Variants in CDH18 observed in about 807,000 individuals in gnomAD.
CDH18 encodes cadherin-18.
Under a neutral mutation model 67.9 loss-of-function variants are expected in CDH18, and 31 were observed. The ratio of observed to expected loss-of-function variants is 0.46; its 90% CI spans 0.34 to 0.62. The LOEUF is 0.62. CDH18 is among the 20% of genes least tolerant of loss of function. The probability of loss-of-function intolerance (pLI) is 0.01; values close to 1 mark genes in which losing one functional copy is unlikely to be tolerated. For synonymous variants in CDH18, 362 were observed against 347.2 expected, an observed-to-expected ratio of 1.04 and a Z score of -0.48; for missense variants, 890 against 975.5, an observed-to-expected ratio of 0.91 and a Z score of 1.17.
intron 1 of CDH18, among the ~76,000 whole-genome samples, chr5:20,447,650 G>A (rs974740568): frequency 5.9e-5 from 9 of 152,016 alleles, no homozygotes; most frequent in Non-Finnish European, 1.0e-4. Context: ...CTGTCCTCCC[G>A]CAATATCTTT....
chr5:20,512,610 G>A (rs1755110253), intron 1 of CDH18, among the ~76,000 whole-genome samples: 1 of 152,066 alleles, frequency 6.6e-6, no homozygotes, highest in African/African-American at 2.4e-5. Flanking sequence ...CTGGCTGAGT[G>A]TGGTGGGTCA....
At chr5:20,391,600 C>T (rs10077608) in intron 1 of CDH18, among the ~76,000 whole-genome samples, 28,910 of 151,880 alleles carry the variant, frequency 0.19, 3,038 homozygotes, top group African/African-American at 0.25. Flanking sequence ...TTAAGTTTCA[C>T]AGATTTATTT....
At chr5:20,498,227 C>T (rs928716419) in intron 1 of CDH18, among the ~76,000 whole-genome samples, 52 of 149,140 alleles carry the variant, frequency 3.5e-4, no homozygotes, top group African/African-American at 1.2e-3. Context: ...ATATCAAGTC[C>T]ATACATAATT....
intron 2 of CDH18, among the ~76,000 whole-genome samples, chr5:20,176,252 T>C (rs557838026): frequency 3.9e-5 from 6 of 152,288 alleles, no homozygotes; most frequent in African/African-American, 7.2e-5. Context: ...TCACCAGGTG[T>C]TGAGGATGTA....
chr5:19,588,563 A>T (rs1744588146), intron 7 of CDH18, among the ~76,000 whole-genome samples: 1 of 152,046 alleles, frequency 6.6e-6, no homozygotes, highest in South Asian at 2.1e-4. Context: ...TACTAACATT[A>T]AATGTAAATA....
intron 1 of CDH18, among the ~76,000 whole-genome samples, chr5:20,274,429 A>T (rs771138283): frequency 9.2e-5 from 14 of 152,136 alleles, no homozygotes; most frequent in Non-Finnish European, 2.1e-4. Context: ...TCAGAAGTCA[A>T]TAGAATGCAT....
intron 3 of CDH18, among the ~76,000 whole-genome samples, chr5:19,785,282 T>C (rs1775577123): frequency 6.6e-6 from 1 of 151,962 alleles, no homozygotes; most frequent in South Asian, 2.1e-4. Flanking sequence ...ATCCATCACA[T>C]AATATTTTTC....
intron 8 of CDH18, among the ~76,000 whole-genome samples, chr5:19,549,428 A>G (rs1736950632): frequency 6.6e-6 from 1 of 152,022 alleles, no homozygotes; most frequent in Non-Finnish European, 1.5e-5. Flanking sequence ...GAGCCAATTA[A>G]CCTCTTTTCT....
chr5:20,197,745 T>A (rs983299888), intron 2 of CDH18, among the ~76,000 whole-genome samples: 6 of 152,290 alleles, frequency 3.9e-5, no homozygotes, highest in Non-Finnish European at 8.8e-5. Flanking sequence ...AAGGTAAAAG[T>A]ATAAACGGGA....
At chr5:20,073,198 T>C (rs1298750483) in intron 2 of CDH18, among the ~76,000 whole-genome samples, 1 of 152,080 alleles carries the variant, frequency 6.6e-6, no homozygotes, top group Non-Finnish European at 1.5e-5. Flanking sequence ...TTTTCAAATT[T>C]TGCTAATTGC....
At chr5:19,595,501 G>C (rs1746028813) in intron 6 of CDH18, among the ~76,000 whole-genome samples, 1 of 152,192 alleles carries the variant, frequency 6.6e-6, no homozygotes, top group South Asian at 2.1e-4. Context: ...GCACACGCCT[G>C]TAATCCCAGC....
intron 1 of CDH18, among the ~76,000 whole-genome samples, chr5:20,358,747 C>G (rs1741834199): frequency 6.6e-6 from 1 of 151,946 alleles, no homozygotes; most frequent in African/African-American, 2.4e-5. Flanking sequence ...ATGGCTCATT[C>G]TTTGAAATTA....
intron 1 of CDH18, among the ~76,000 whole-genome samples, chr5:20,416,344 CTT>C (rs1233007271): frequency 6.6e-6 from 1 of 151,980 alleles, no homozygotes; most frequent in East Asian, 1.9e-4. Context: ...AGAGAAATGA[CTT>C]TGTCAGATTA....
chr5:20,553,846 A>T (rs570314009), intron 1 of CDH18, among the ~76,000 whole-genome samples: 1 of 152,286 alleles, frequency 6.6e-6, no homozygotes, highest in Admixed American at 6.5e-5. Flanking sequence ...ATCTTTCTCT[A>T]GACCACAAAA....
At chr5:20,136,817 G>T (rs1490957186) in intron 2 of CDH18, among the ~76,000 whole-genome samples, 1 of 152,144 alleles carries the variant, frequency 6.6e-6, no homozygotes, top group African/African-American at 2.4e-5. Flanking sequence ...TTGCTTGTCT[G>T]TAAAGGATTT....
chr5:19,861,369 C>CTA (rs1784888586), intron 2 of CDH18, among the ~76,000 whole-genome samples: 1 of 151,878 alleles, frequency 6.6e-6, no homozygotes, highest in African/African-American at 2.4e-5. Flanking sequence ...ACCCAGGAGC[C>CTA]GGGAGGAGGC....
chr5:20,029,148 G>A (rs2388132), intron 2 of CDH18, among the ~76,000 whole-genome samples: 132,569 of 152,068 alleles, frequency 0.87, 59,556 homozygotes, highest in East Asian at 1. Flanking sequence ...CTTATCCACA[G>A]CATTTAAACA....
At chr5:19,590,761 G>A (rs1744979897) in intron 7 of CDH18, among the ~76,000 whole-genome samples, 1 of 151,982 alleles carries the variant, frequency 6.6e-6, no homozygotes, top group Admixed American at 6.6e-5. Flanking sequence ...TTTAATTCTT[G>A]ACTATTAACA....
At chr5:19,742,935 T>G (rs1358131184) in intron 4 of CDH18, among the ~76,000 whole-genome samples, 1 of 152,198 alleles carries the variant, frequency 6.6e-6, no homozygotes, top group African/African-American at 2.4e-5. Flanking sequence ...CCAGTACATT[T>G]TTAAGTGTTA....
Sources: gnomAD v4.1 joint callset for allele counts (sites outside exome capture counted in the v4.1 genomes callset) on GRCh38, gnomAD v4.1.1 for gene constraint, MANE v1.5 for transcripts, NCBI Gene and HGNC (gene_info 2026-07-23, HGNC 2026-07-21) for gene names.